Variants in FGD5 observed in about 807,000 individuals in gnomAD.
FGD5 encodes the protein FYVE, RhoGEF and PH domain containing 5.
Under a neutral mutation model 133.4 loss-of-function variants are expected in FGD5, and 28 were observed. The observed-to-expected ratio is 0.21, with a 90% confidence interval of 0.16 to 0.29. The LOEUF is 0.29. FGD5 is among the 10% of genes least tolerant of loss of function. The pLI is 1.00. For synonymous variants in FGD5, 810 were observed against 776.5 expected, an observed-to-expected ratio of 1.04 and a Z score of -0.72; for missense variants, 1,858 against 1,895.2, an observed-to-expected ratio of 0.98 and a Z score of 0.36.
intron 1 of FGD5, among the ~76,000 whole-genome samples, chr3:14,832,807 C>T (rs1171663812): frequency 2.0e-5 from 3 of 152,138 alleles, no homozygotes; most frequent in African/African-American, 7.2e-5. Context: ...GGTGTTCAGA[C>T]TTGGACAGCC....
chr3:14,898,340 T>A (rs922893343), intron 6 of FGD5, among the ~76,000 whole-genome samples: 1 of 152,134 alleles, frequency 6.6e-6, no homozygotes, highest in African/African-American at 2.4e-5. Context: ...AGGGTAGTTT[T>A]CTTGTCTCAG....
intron 4 of FGD5, among the ~76,000 whole-genome samples, chr3:14,892,821 A>G (rs1300895251): frequency 7.4e-5 from 1 of 13,438 alleles, no homozygotes; most frequent in Non-Finnish European, 2.0e-4. Flanking sequence ...ATCCATCTCA[A>G]AAAAAAAAAA....
At chr3:14,835,091 C>T (rs1043382823) in intron 1 of FGD5, among the ~76,000 whole-genome samples, 4 of 152,216 alleles carry the variant, frequency 2.6e-5, no homozygotes, top group African/African-American at 4.8e-5. Context: ...AAGGACCCAG[C>T]GGTGCTTTCC....
intron 11 of FGD5, among the ~76,000 whole-genome samples, chr3:14,911,144 G>C (rs558066673): frequency 1.3e-5 from 2 of 152,268 alleles, no homozygotes; most frequent in South Asian, 4.2e-4. Flanking sequence ...TGGAATGTTG[G>C]CAAGATGTAG....
intron 1 of FGD5, among the ~76,000 whole-genome samples, chr3:14,848,749 C>A (rs1386465541): frequency 1.3e-5 from 2 of 152,118 alleles, no homozygotes; most frequent in Non-Finnish European, 2.9e-5. Context: ...AAGCTTCAGC[C>A]CCATTAGCTT....
chr3:14,902,503 G>GT (rs2038259225), intron 9 of FGD5, among the ~76,000 whole-genome samples: 1 of 152,078 alleles, frequency 6.6e-6, no homozygotes, highest in African/African-American at 2.4e-5. Flanking sequence ...AGGGAGAGAG[G>GT]TCGGGCTGGC....
intron 1 of FGD5, among the ~76,000 whole-genome samples, chr3:14,838,122 A>C (rs1205423192): frequency 6.6e-6 from 1 of 151,446 alleles, no homozygotes; most frequent in African/African-American, 2.4e-5. Context: ...GCTGACGTCC[A>C]CTCCTGTGGG....
rs750856471 is a variant in FGD5 at position 14,892,942 on chromosome 3, G to C, written c.2749-4567G>C. 1.2e-3 allele frequency among the ~76,000 whole-genome samples: 184 copies of C among 152,216 alleles called. 2 individuals are homozygous for C. Among genetic ancestry groups the C allele is most frequent in the Non-Finnish European group, 4.0e-4 (27 of 68,042 alleles). On this transcript the variant is annotated intron_variant, in intron 4 of 19. Transcript: ENST00000285046. ...ACAAGGTAGAGGAATCATCTTTCCT[G>C]AGTGTTGAGGGTGATTTGAACTTCT...
At chr3:14,866,030 G>A (rs1338640186) in intron 2 of FGD5, among the ~76,000 whole-genome samples, 5 of 152,166 alleles carry the variant, frequency 3.3e-5, no homozygotes, top group African/African-American at 1.2e-4. Flanking sequence ...TACTGGCCGC[G>A]AGAACGTCGG....
chr3:14,853,510 T>C lies in FGD5; in HGVS notation c.2526-10618T>C, dbSNP rs577307470. Among the ~76,000 whole-genome samples the C allele has an allele frequency of 3.4e-3, 519 of 151,952 alleles. 3 individuals carry two copies. Among genetic ancestry groups the C allele is most frequent in the South Asian group, 9.0e-3 (43 of 4,788 alleles). ...GGTGAGCTTCAGAAAGGTCCCAGCC[T>C]GTCTCGGAGGGGCTGGGAGAAGTTA... On this transcript the variant is annotated intron_variant, in intron 1 of 19. Transcript: ENST00000285046.
At position 14,819,405 on chromosome 3, in the gene FGD5, G is replaced by C; in HGVS notation, c.334G>C (p.Glu112Gln). The C allele has an allele frequency of 6.5e-7, 1 of 1,550,282 alleles. No homozygotes were observed. Among genetic ancestry groups the C allele is most frequent in the Non-Finnish European group, 8.7e-7 (1 of 1,146,308 alleles). ...AGAGGGAGGCGAGGCATGTGGCCTG[G>C]AGGGTACAGGAGCTGGTGAGGATTC... ...REEGGEACGL[E>Q]GTGAGEDSVA... The change falls in exon 1 of 20, where the codon GAG (glutamate) becomes CAG (glutamine). Residue 112 changes from glutamate to glutamine, a missense_variant. By Grantham distance (29) the Glu-to-Gln change is conservative. Around this residue, in one of 3 missense-constraint regions of FGD5, gnomAD observed 1,824 missense variants for 1,848.9 expected, o/e 0.99. Coordinates refer to ENST00000285046, the MANE Select transcript of FGD5 (RefSeq NM_152536.4). The surrounding 1 kb of genome is among the most constrained non-coding windows in gnomAD (Gnocchi z 4.1).
At chr3:14,868,870 C>G (rs1454163897) in intron 2 of FGD5, among the ~76,000 whole-genome samples, 1 of 152,222 alleles carries the variant, frequency 6.6e-6, no homozygotes, top group African/African-American at 2.4e-5. Context: ...CTTTCAAGGG[C>G]TGAAGACACA....
chr3:14,878,620 A>C (rs762249846), intron 2 of FGD5, among the ~76,000 whole-genome samples: 1 of 151,918 alleles, frequency 6.6e-6, no homozygotes, highest in South Asian at 2.1e-4. Context: ...CTATTCTCCT[A>C]CTGTGCCCAT....
chr3:14,827,725 C>T (rs1040745044), intron 1 of FGD5, among the ~76,000 whole-genome samples: 13 of 152,068 alleles, frequency 8.5e-5, no homozygotes, highest in Non-Finnish European at 1.5e-4. Context: ...GATGTCTTTC[C>T]CTCCTGCAGG....
intron 18 of FGD5, among the ~76,000 whole-genome samples, 194 bp downstream of exon 18, chr3:14,926,392 A>G (rs2125161309): frequency 6.6e-6 from 1 of 152,356 alleles, no homozygotes; most frequent in Non-Finnish European, 1.5e-5. Context: ...TCACTTCAAA[A>G]TCTAAGGAAT....
At chr3:14,897,391 A>T in intron 4 of FGD5, 118 bp from the exon 5 acceptor site, 1 of 1,195,772 alleles carries the variant, frequency 8.4e-7, no homozygotes, top group Non-Finnish European at 1.2e-6. Flanking sequence ...ACACTGGCTT[A>T]AGTCCTCACT....
At position 14,819,549 on chromosome 3, in the gene FGD5, G is replaced by C. The variant is rs1400730892; in HGVS notation, c.478G>C (p.Val160Leu). ...CADEPGTLEQ[V>L]SRSEEEEKLV... ...TGATGAGCCAGGGACACTGGAGCAG[G>C]TGTCCAGAAGTGAGGAGGAAGAGAA... The change falls in exon 1 of 20, where the codon GTG becomes CTG. Residue 160 changes from valine to leucine, a missense_variant. Val to Leu is a conservative substitution (Grantham distance 32). Coordinates refer to ENST00000285046, the MANE Select transcript of FGD5 (RefSeq NM_152536.4). The surrounding 1 kb of genome is among the most constrained non-coding windows in gnomAD (Gnocchi z 4.1). 37 of 1,551,344 alleles carry C rather than the reference G, an allele frequency of 2.4e-5. No individual in the cohort carries two copies. Among genetic ancestry groups the C allele is most frequent in the Non-Finnish European group, 3.1e-5 (36 of 1,146,988 alleles).
chr3:14,913,096 C>T (rs1443869844), intron 11 of FGD5, among the ~76,000 whole-genome samples: 2 of 152,090 alleles, frequency 1.3e-5, no homozygotes, highest in African/African-American at 2.4e-5. Flanking sequence ...AGGTAATGAG[C>T]CAGACAGAGC....
chr3:14,830,820 A>T (rs991017836), intron 1 of FGD5, among the ~76,000 whole-genome samples: 2 of 152,328 alleles, frequency 1.3e-5, no homozygotes, highest in East Asian at 1.9e-4. Context: ...TTGAGGACAG[A>T]TGTGTATCAG....
Sources: gnomAD v4.1 joint callset for allele counts (sites outside exome capture counted in the v4.1 genomes callset) on GRCh38, gnomAD v4.1.1 for gene constraint, gnomAD v4.1.1 regional missense constraint, Gnocchi (gnomAD v3.1) non-coding constraint, MANE v1.5 for transcripts, NCBI Gene and HGNC (gene_info 2026-07-23, HGNC 2026-07-21) for gene names.